The following PSD3 variants were observed in gnomAD, a reference collection of about 807,000 sequenced individuals.
PSD3 encodes pleckstrin and Sec7 domain containing 3, also known as PH and SEC7 domain-containing protein 3.
PSD3 carries 49 observed loss-of-function variants against 105.5 expected under a neutral mutation model. That is an observed-to-expected ratio of 0.46 (90% CI 0.37 to 0.59). The LOEUF (loss-of-function observed/expected upper bound fraction) is 0.59, where lower values mean the gene tolerates loss of function less well. Among genes scored for constraint, PSD3 ranks in the 20% least tolerant of loss-of-function variants. PSD3 has a pLI of 0.00. For missense variants in PSD3, 1,561 were observed against 1,263.8 expected, an observed-to-expected ratio of 1.24 and a Z score of -3.57; for synonymous variants, 557 against 457.8, an observed-to-expected ratio of 1.22 and a Z score of -2.77.
intron 2 of PSD3, among the ~76,000 whole-genome samples, chr8:18,911,516 C>G (rs1313625098): frequency 1.3e-5 from 2 of 152,036 alleles, no homozygotes; most frequent in Non-Finnish European, 2.9e-5. Flanking sequence ...TCTCAGGAAC[C>G]TCATCTATAA....
At chr8:18,847,330 T>A (rs1815177812) in intron 4 of PSD3, among the ~76,000 whole-genome samples, 1 of 152,192 alleles carries the variant, frequency 6.6e-6, no homozygotes, top group Non-Finnish European at 1.5e-5. Flanking sequence ...AACCAGTGGA[T>A]GTTACTTCCA....
intron 4 of PSD3, among the ~76,000 whole-genome samples, chr8:18,850,698 C>A (rs1001052001): frequency 1.3e-5 from 2 of 152,108 alleles, no homozygotes; most frequent in African/African-American, 2.4e-5. Flanking sequence ...TCTCTCCTCC[C>A]CATGCACAAA....
chr8:18,870,498 G>C (rs563202694), intron 3 of PSD3, among the ~76,000 whole-genome samples: 27 of 152,250 alleles, frequency 1.8e-4, no homozygotes, highest in Admixed American at 7.2e-4. Context: ...TATGGGCACA[G>C]GGAGGGGAAT....
chr8:18,853,870 A>C (rs1400657499), intron 4 of PSD3, among the ~76,000 whole-genome samples: 1 of 152,144 alleles, frequency 6.6e-6, no homozygotes, highest in Non-Finnish European at 1.5e-5. Context: ...GAAAAATCTC[A>C]TTTTGCCCAA....
chr8:18,697,048 G>C (rs529880553), intron 9 of PSD3, among the ~76,000 whole-genome samples: 1 of 152,326 alleles, frequency 6.6e-6, no homozygotes. Context: ...TTTGAGACCA[G>C]CCTGGGCAAC....
chr8:18,708,472 T>C (rs914850949), intron 9 of PSD3, among the ~76,000 whole-genome samples: 1 of 152,026 alleles, frequency 6.6e-6, no homozygotes, highest in Non-Finnish European at 1.5e-5. Flanking sequence ...CAGAAAAATT[T>C]CTAACTTTCA....
Position 18,675,968 on chromosome 8 carries a change from TA to T in PSD3, c.2173-20284del, listed in dbSNP as rs373442861. Among the ~76,000 whole-genome samples the T allele has an allele frequency of 6.0e-4, 92 of 152,282 alleles. 1 individual carries two copies. In the South Asian group the frequency reaches 0.012, roughly 20 times the overall value. On this transcript the variant is annotated intron_variant, in intron 9 of 15. Transcript: ENST00000327040. ...CATGATCTAACAACAGGTTGCAGAA[TA>T]GCTTGTCACCATACATATTCCCACA...
intron 9 of PSD3, among the ~76,000 whole-genome samples, chr8:18,682,799 G>C (rs562696282): frequency 6.6e-6 from 1 of 152,200 alleles, no homozygotes; most frequent in African/African-American, 2.4e-5. Context: ...CAGAGGAGGA[G>C]GGCAGTGGGG....
chr8:18,919,447 G>A (rs951001915), intron 2 of PSD3, among the ~76,000 whole-genome samples: 1 of 152,124 alleles, frequency 6.6e-6, no homozygotes, highest in Non-Finnish European at 1.5e-5. Context: ...GGGATCATCC[G>A]AGAGCTCATT....
At chr8:18,724,761 A>T (rs898110470) in intron 9 of PSD3, among the ~76,000 whole-genome samples, 3 of 152,212 alleles carry the variant, frequency 2.0e-5, no homozygotes, top group African/African-American at 7.2e-5. Context: ...AAGAACAAAT[A>T]AGCTTATTAA....
chr8:19,010,824 G>T (rs1826918381), intron 1 of PSD3, among the ~76,000 whole-genome samples: 3 of 151,930 alleles, frequency 2.0e-5, no homozygotes, highest in Admixed American at 1.3e-4. Flanking sequence ...AAAGAACTAG[G>T]AAGAACTGAG....
intron 4 of PSD3, among the ~76,000 whole-genome samples, chr8:18,818,003 G>C (rs1352066067): frequency 1.3e-5 from 2 of 152,184 alleles, no homozygotes. Flanking sequence ...GCCCAGGCTG[G>C]AGTGCAGTGG....
At chr8:18,987,280 A>ATTT (rs199530425) in intron 1 of PSD3, among the ~76,000 whole-genome samples, 1 of 147,942 alleles carries the variant, frequency 6.8e-6, no homozygotes, top group Non-Finnish European at 1.5e-5. Context: ...TTTCTTTTTT[A>ATTT]TTTTTTTTTT....
At chr8:18,763,353 T>C (rs1430723714) in intron 9 of PSD3, among the ~76,000 whole-genome samples, 1 of 152,148 alleles carries the variant, frequency 6.6e-6, no homozygotes. Flanking sequence ...ACATGGAGAT[T>C]GGAAAGGTGG....
chr8:18,965,222 G>C (rs1824164434), intron 1 of PSD3, among the ~76,000 whole-genome samples: 1 of 151,996 alleles, frequency 6.6e-6, no homozygotes, highest in African/African-American at 2.4e-5. Context: ...CTCATTCACT[G>C]GTCATTCAGA....
At position 18,556,196 on chromosome 8, in the gene PSD3, G is replaced by C; in HGVS notation, c.2928+13C>G. The C allele has an allele frequency of 6.2e-7, 1 of 1,612,210 alleles. No individual in the cohort carries two copies. Among genetic ancestry groups the C allele is most frequent in the Non-Finnish European group, 8.5e-7 (1 of 1,179,212 alleles). ...CAGAAATCAGCATTTACTAACATTT[G>C]GGTGCAACACACCTCAAACTCCAGA... On this transcript the variant is annotated intron_variant, in intron 15 of 15. Transcript: ENST00000327040.
At chr8:18,764,889 T>G (rs1394420257) in intron 9 of PSD3, among the ~76,000 whole-genome samples, 1 of 152,216 alleles carries the variant, frequency 6.6e-6, no homozygotes, top group Non-Finnish European at 1.5e-5. Context: ...GGAGAATGCA[T>G]GAATTCCAAA....
At chr8:18,686,070 T>C (rs1563170732) in intron 9 of PSD3, among the ~76,000 whole-genome samples, 1 of 152,070 alleles carries the variant, frequency 6.6e-6, no homozygotes. Flanking sequence ...ACTAAAACCA[T>C]ATGGTAGGAT....
intron 15 of PSD3, among the ~76,000 whole-genome samples, chr8:18,543,350 C>A (rs1232032021): frequency 6.6e-6 from 1 of 152,042 alleles, no homozygotes; most frequent in Non-Finnish European, 1.5e-5. Context: ...CGCGGTGACT[C>A]ACACCTGTAA....
Sources: allele counts gnomAD v4.1 joint callset (sites outside exome capture counted in the v4.1 genomes callset), GRCh38; gene constraint gnomAD v4.1.1; transcripts MANE v1.5; gene names NCBI Gene and HGNC (gene_info 2026-07-23, HGNC 2026-07-21).